Variants in SLC4A4 observed in about 807,000 individuals in gnomAD.
SLC4A4 encodes the protein solute carrier family 4 member 4.
In SLC4A4, 27 loss-of-function variants were observed where a neutral mutation model predicts 111.5. The observed-to-expected ratio is 0.24, with a 90% CI of 0.18 to 0.33. SLC4A4 has a LOEUF of 0.33. Ranked by LOEUF, SLC4A4 falls within the 10% of genes least tolerant of loss-of-function variation. SLC4A4 has a pLI of 1.00. For missense variants in SLC4A4, 909 were observed against 1,315.5 expected, an observed-to-expected ratio of 0.69 and a Z score of 4.78; for synonymous variants, 443 against 463.4, an observed-to-expected ratio of 0.96 and a Z score of 0.57.
chr4:71,066,420 G>C (rs543175489), intron 1 of SLC4A4, among the ~76,000 whole-genome samples: 1 of 152,002 alleles, frequency 6.6e-6, no homozygotes, highest in African/African-American at 2.4e-5. Context: ...TGATATTCTG[G>C]TTCAAGGTGC....
At chr4:71,556,072 C>G (rs1341408381) in intron 21 of SLC4A4, among the ~76,000 whole-genome samples, 1 of 151,804 alleles carries the variant, frequency 6.6e-6, no homozygotes, top group African/African-American at 2.4e-5. Context: ...TATTTGAACC[C>G]CTTCAAAATA....
intron 2 of SLC4A4, among the ~76,000 whole-genome samples, chr4:71,144,609 C>T (rs905063660): frequency 3.3e-5 from 5 of 151,180 alleles, no homozygotes; most frequent in African/African-American, 1.2e-4. Flanking sequence ...TGTTTGTATC[C>T]TCTTTTATTT....
At chr4:71,411,492 A>G (rs1721360844) in intron 7 of SLC4A4, among the ~76,000 whole-genome samples, 1 of 152,134 alleles carries the variant, frequency 6.6e-6, no homozygotes, top group Non-Finnish European at 1.5e-5. Context: ...TTTTGGCTAC[A>G]TGTTTATCTT....
intron 18 of SLC4A4, among the ~76,000 whole-genome samples, chr4:71,537,639 T>C (rs1293781574): frequency 6.6e-6 from 1 of 152,016 alleles, no homozygotes; most frequent in African/African-American, 2.4e-5. Context: ...TTTTCCCTTC[T>C]TTTGGCATTA....
intron 1 of SLC4A4, among the ~76,000 whole-genome samples, chr4:71,068,729 T>G (rs72858421): frequency 0.084 from 12,768 of 151,930 alleles, 1,896 homozygotes; most frequent in African/African-American, 0.29. Flanking sequence ...ACCCAGCTAA[T>G]TTTTTGCATT....
intron 2 of SLC4A4, among the ~76,000 whole-genome samples, chr4:71,133,159 C>T (rs1560736383): frequency 6.6e-6 from 1 of 152,026 alleles, no homozygotes; most frequent in Non-Finnish European, 1.5e-5. Flanking sequence ...AGTTTCGTAT[C>T]CCTGAACCCC....
intron 14 of SLC4A4, among the ~76,000 whole-genome samples, chr4:71,474,791 C>T (rs573261719): frequency 1.5e-4 from 23 of 151,894 alleles, no homozygotes; most frequent in Non-Finnish European, 2.8e-4. Flanking sequence ...AGCTAACTAG[C>T]GTTCAGCTGT....
Position 71,145,258 on chromosome 4 carries a change from T to C in SLC4A4, c.-2+52466T>C, listed in dbSNP as rs537909231. On this transcript the variant is annotated intron_variant, in intron 2 of 26. Transcript: ENST00000649996. ...ATATGCTGGATTACGTTTATTGATTTGTGTATGTTGAACCAGACTTGCATC... is the reference window on the plus strand; with the variant it reads ...ATATGCTGGATTACGTTTATTGATTCGTGTATGTTGAACCAGACTTGCATC... Among the ~76,000 whole-genome samples the C allele has an allele frequency of 1.3e-3, 199 of 152,330 alleles. 1 individual carries two copies. Among genetic ancestry groups the C allele is most frequent in the African/African-American group, 4.7e-3 (194 of 41,574 alleles).
intron 1 of SLC4A4, among the ~76,000 whole-genome samples, chr4:71,229,812 GTT>G (rs546659911): frequency 8.8e-5 from 11 of 124,332 alleles, no homozygotes; most frequent in African/African-American, 1.2e-4. Context: ...CCCCTGCGAA[GTT>G]TTTTTTTTTT....
upstream of SLC4A4, among the ~76,000 whole-genome samples, chr4:71,184,863 G>T (rs1286195044): frequency 6.6e-6 from 1 of 152,120 alleles, no homozygotes; most frequent in African/African-American, 2.4e-5. Flanking sequence ...CAATAGGAAA[G>T]GAAATAGAAC....
intron 2 of SLC4A4, among the ~76,000 whole-genome samples, chr4:71,177,559 A>G (rs1745136613): frequency 6.6e-6 from 1 of 152,226 alleles, no homozygotes; most frequent in Non-Finnish European, 1.5e-5. Flanking sequence ...CTTTAAACCA[A>G]CAGAGATCAA....
chr4:71,356,941 T>C, intron 5 of SLC4A4, 67 bp from the exon 6 acceptor site: 3 of 1,439,144 alleles, frequency 2.1e-6, no homozygotes, highest in South Asian at 1.2e-5. Context: ...TCCATAAAGT[T>C]AGAGTAAAAA....
At chr4:71,100,941 G>C (rs1485621720) in intron 2 of SLC4A4, among the ~76,000 whole-genome samples, 1 of 152,214 alleles carries the variant, frequency 6.6e-6, no homozygotes, top group African/African-American at 2.4e-5. Context: ...AAAGAAATCA[G>C]AGAAGACACA....
chr4:71,445,271 C>T (rs987925019), intron 8 of SLC4A4, among the ~76,000 whole-genome samples: 1 of 152,056 alleles, frequency 6.6e-6, no homozygotes, highest in African/African-American at 2.4e-5. Context: ...ATTGGAATAC[C>T]CACTGCCTGC....
rs547011376 is a variant in SLC4A4, at chr4:71,225,337, A to G, written c.-1-11239A>G. Among the ~76,000 whole-genome samples, 441 of 151,992 alleles carry G rather than the reference A, an allele frequency of 2.9e-3. 1 individual carries two copies. Among genetic ancestry groups the G allele is most frequent in the Non-Finnish European group, 4.7e-3 (318 of 67,942 alleles). ...ACTGCACTCCAGCCTGGGTGACAGAACAAGACTCCGTTTAAAAAAAAAAAA... is the reference window on the plus strand; with the variant it reads ...ACTGCACTCCAGCCTGGGTGACAGAGCAAGACTCCGTTTAAAAAAAAAAAA... On this transcript the variant is annotated intron_variant, in intron 1 of 25. Transcript: ENST00000264485.
At chr4:71,497,354 C>T in intron 15 of SLC4A4, 147 bp from the exon 16 acceptor site, 1 of 663,804 alleles carries the variant, frequency 1.5e-6, no homozygotes, top group Non-Finnish European at 2.7e-6. Flanking sequence ...ATTCCATGAA[C>T]ACCTCATCAA....
intron 2 of SLC4A4, among the ~76,000 whole-genome samples, chr4:71,143,208 T>C (rs1053117360): frequency 2.6e-5 from 4 of 152,146 alleles, no homozygotes; most frequent in African/African-American, 9.7e-5. Context: ...GTTTGGTTTT[T>C]TGTCCTTGTG....
intron 3 of SLC4A4, chr4:71,300,702 G>T: frequency 2.6e-6 from 1 of 386,146 alleles, no homozygotes; most frequent in African/African-American, 2.1e-5. Flanking sequence ...GTAGGGGCAT[G>T]GGGCTGGCAG....
rs72858486 is a variant in SLC4A4 at position 71,119,174 on chromosome 4, C to T, written c.-2+26382C>T. Among the ~76,000 whole-genome samples, 1,022 of 152,232 alleles carry T rather than the reference C, an allele frequency of 6.7e-3. 13 individuals are homozygous for T. The highest frequency in any genetic ancestry group is 0.022 in the African/African-American group (931 of 41,542). ...TCATGTGTTGGTGCAGGGAGTATATCGGAGCCCCCTGTACTTTCAACTTTG... is the reference window on the plus strand; with the variant it reads ...TCATGTGTTGGTGCAGGGAGTATATTGGAGCCCCCTGTACTTTCAACTTTG... On this transcript the variant is annotated intron_variant, in intron 2 of 26. Coordinates refer to the SLC4A4 transcript ENST00000649996.
Sources: gnomAD v4.1 joint callset for allele counts (sites outside exome capture counted in the v4.1 genomes callset) on GRCh38, gnomAD v4.1.1 for gene constraint, MANE v1.5 for transcripts, NCBI Gene and HGNC (gene_info 2026-07-23, HGNC 2026-07-21) for gene names.